RRP1B: variants seen among roughly 807,000 people sequenced by gnomAD.
RRP1B encodes ribosomal RNA processing protein 1 homolog B.
A neutral mutation model predicts 80.2 loss-of-function variants in RRP1B; 56 were observed. That is an observed-to-expected ratio of 0.70 (90% CI 0.56 to 0.87). The LOEUF (loss-of-function observed/expected upper bound fraction) is 0.87, where lower values mean the gene tolerates loss of function less well. Ranked by LOEUF, RRP1B falls within the 40% of genes least tolerant of loss-of-function variation. The pLI is 0.00. For synonymous variants in RRP1B, 351 were observed against 357.6 expected (o/e 0.98, Z 0.21); for missense variants, 807 against 939.8 (o/e 0.86, Z 1.85).
intron 3 of RRP1B, 31 bp from the exon 4 acceptor site, chr21:43,673,839 C>G (rs771888735): frequency 6.7e-7 from 1 of 1,496,688 alleles, no homozygotes. Context: ...GATGTGGAAG[C>G]CAAGTATTTA....
chr21:43,662,574 G>T (rs1246796044), intron 1 of RRP1B, among the ~76,000 whole-genome samples: 1 of 152,236 alleles, frequency 6.6e-6, no homozygotes, highest in African/African-American at 2.4e-5. Flanking sequence ...AACATGAGCT[G>T]TTCTGCAGCA....
At position 43,678,487 on chromosome 21, in the gene RRP1B, A is replaced by T. The variant is rs535476355; in HGVS notation, c.796+1573A>T. ...AACATCTATTATTCTTTGATTTTTT[A>T]AATTATGGCCATTCTTGCTGGAGTG... On this transcript the variant is annotated intron_variant, in intron 8 of 15. Coordinates refer to ENST00000340648, the MANE Select transcript of RRP1B (RefSeq NM_015056.3). Among the ~76,000 whole-genome samples the T allele has an allele frequency of 2.8e-4, 43 of 152,182 alleles. 2 individuals are homozygous for T. Among genetic ancestry groups the T allele is most frequent in the African/African-American group, 9.2e-4 (38 of 41,524 alleles).
In RRP1B at chr21:43,694,961, C is replaced by G. The variant is rs1157974088; in HGVS notation, c.*1578C>G. On this transcript the variant is annotated 3_prime_UTR_variant, in exon 16 of 16. Coordinates refer to ENST00000340648, the MANE Select transcript of RRP1B (RefSeq NM_015056.3). ...TGAAGGCCCTGGTGAGGAGAAAGCACTCTGTTCTTCGCCTACTCTGTAATC... is the reference window on the plus strand; with the variant it reads ...TGAAGGCCCTGGTGAGGAGAAAGCAGTCTGTTCTTCGCCTACTCTGTAATC... 1 of 152,200 alleles carries G rather than the reference C, an allele frequency of 6.6e-6. No homozygotes were observed. Among genetic ancestry groups the G allele is most frequent in the African/African-American group, 2.4e-5 (1 of 41,434 alleles). 9.4% of individuals were successfully genotyped at this position (152,200 alleles called of 1,614,324 possible). A position where few individuals can be genotyped will look rare whatever the true frequency, so the allele number is the denominator to read the frequency against.
intron 8 of RRP1B, 145 bp downstream of exon 8, chr21:43,677,059 G>A (rs961500299): frequency 6.2e-6 from 5 of 802,254 alleles, no homozygotes; most frequent in Admixed American, 2.8e-5. Context: ...AAAGGCAGCA[G>A]AGGTGGGTTC....
chr21:43,677,384 A>C (rs926418432), intron 8 of RRP1B, among the ~76,000 whole-genome samples: 3 of 152,190 alleles, frequency 2.0e-5, no homozygotes, highest in African/African-American at 7.2e-5. Context: ...GTGTACTGAC[A>C]TAATTCTTAC....
chr21:43,685,866 C>A, intron 11 of RRP1B, 77 bp downstream of exon 11: 1 of 1,515,568 alleles, frequency 6.6e-7, no homozygotes, highest in Non-Finnish European at 8.9e-7. Context: ...ATGCCAAACG[C>A]TGAGAAACAA....
intron 1 of RRP1B, among the ~76,000 whole-genome samples, chr21:43,660,434 A>C (rs553425187): frequency 6.6e-6 from 1 of 152,242 alleles, no homozygotes; most frequent in South Asian, 2.1e-4. Context: ...ATGGTGGCGC[A>C]TGCCTGTAAT....
In RRP1B at chr21:43,686,558, C is replaced by A. The variant is rs188462353; in HGVS notation, c.1010-246C>A. 26 of 402,690 alleles carry A rather than the reference C, an allele frequency of 6.5e-5. No individual in the cohort carries two copies. In the East Asian group the frequency reaches 1.1e-3, roughly 18 times the overall value. 24.9% of individuals were successfully genotyped at this position (402,690 alleles called of 1,614,324 possible). ...GAATGCAGAGACTGCATTAGCCAAGCGTCCGGGGTCCAGCCATGGAGGGTG... is the reference window on the plus strand; with the variant it reads ...GAATGCAGAGACTGCATTAGCCAAGAGTCCGGGGTCCAGCCATGGAGGGTG... On this transcript the variant is annotated intron_variant, in intron 11 of 15. Transcript: ENST00000340648.
intron 2 of RRP1B, among the ~76,000 whole-genome samples, chr21:43,671,835 G>A (rs774773995): frequency 2.6e-5 from 4 of 152,026 alleles, no homozygotes; most frequent in African/African-American, 7.3e-5. Flanking sequence ...ACAGGCACAC[G>A]CCACCACGCC....
chr21:43,693,428 C>A lies in RRP1B; in HGVS notation c.*45C>A. ...TAAAAGACTGCTTTTGTACAGAATG[C>A]GCTATAAATTATACCTTTAAGAATG... On this transcript the variant is annotated 3_prime_UTR_variant, in exon 16 of 16. Transcript: ENST00000340648. The surrounding 1 kb of genome is among the most constrained non-coding windows in gnomAD (Gnocchi z 4.1). The A allele has an allele frequency of 1.4e-6, 2 of 1,452,808 alleles. No individual in the cohort carries two copies. The highest frequency in any genetic ancestry group is 1.4e-5 in the African/African-American group (1 of 69,226). The allele number at this position is 1,452,808 out of a possible 1,614,324, so 90.0% of individuals were successfully genotyped here.
At position 43,687,949 on chromosome 21, in the gene RRP1B, G is replaced by T. The variant is rs1041125072; in HGVS notation, c.1575G>T (p.Arg525=). 6 of 1,613,258 alleles carry T rather than the reference G, an allele frequency of 3.7e-6. No individual in the cohort carries two copies. Among genetic ancestry groups the T allele is most frequent in the Non-Finnish European group, 5.1e-6 (6 of 1,180,048 alleles). Reference sequence around the variant, plus strand: ...GAGCCCAACTCCTAAAAAGGAAGCGGAAACTTGGAGTTGTGCCCGTCAATG... The same window carrying T: ...GAGCCCAACTCCTAAAAAGGAAGCGTAAACTTGGAGTTGTGCCCGTCAATG... ...TGGAQLLKRK[R]KLGVVPVNGS... The change falls in exon 13 of 16, where the codon CGG becomes CGT. Residue 525 remains arginine (R), a synonymous_variant. Coordinates refer to ENST00000340648, the MANE Select transcript of RRP1B (RefSeq NM_015056.3).
intron 13 of RRP1B, among the ~76,000 whole-genome samples, chr21:43,689,579 A>G (rs955600721): frequency 5.3e-5 from 8 of 152,206 alleles, no homozygotes; most frequent in African/African-American, 1.9e-4. Flanking sequence ...AGAGGGCCAG[A>G]GACATTGCCT....
chr21:43,666,616 G>C (rs553409739), intron 1 of RRP1B, among the ~76,000 whole-genome samples: 1 of 151,976 alleles, frequency 6.6e-6, no homozygotes, highest in South Asian at 2.1e-4. Context: ...TACGTGGGAG[G>C]CTGAGGCAGG....
At chr21:43,679,672 T>C (rs140493087) in intron 8 of RRP1B, among the ~76,000 whole-genome samples, 128 of 152,366 alleles carry the variant, frequency 8.4e-4, no homozygotes, top group African/African-American at 3.0e-3. Context: ...CTGTGAAGAA[T>C]GATGATGGTA....
chr21:43,668,989 G>A (rs1289060191), intron 1 of RRP1B, among the ~76,000 whole-genome samples: 1 of 152,194 alleles, frequency 6.6e-6, no homozygotes, highest in Non-Finnish European at 1.5e-5. Context: ...AACGAGACTG[G>A]TCACTCAATC....
chr21:43,670,880 C>T (rs2082996807), intron 2 of RRP1B, among the ~76,000 whole-genome samples: 1 of 152,192 alleles, frequency 6.6e-6, no homozygotes, highest in Non-Finnish European at 1.5e-5. Flanking sequence ...TTTTAATGTG[C>T]AGCCTTGCCA....
intron 8 of RRP1B, among the ~76,000 whole-genome samples, chr21:43,681,261 C>T (rs117038375): frequency 6.7e-5 from 10 of 149,634 alleles, no homozygotes; most frequent in Admixed American, 6.6e-5. Flanking sequence ...AATAAATAAA[C>T]AGATAGATAG....
chr21:43,673,526 C>T (rs894410286), intron 3 of RRP1B, among the ~76,000 whole-genome samples: 2 of 150,500 alleles, frequency 1.3e-5, no homozygotes, highest in Non-Finnish European at 1.5e-5. Context: ...CCCAGCTACT[C>T]GGGAGGCTGA....
At position 43,695,671 on chromosome 21, in the gene RRP1B, T is replaced by A. The variant is rs895098885; in HGVS notation, c.*2288T>A. On this transcript the variant is annotated 3_prime_UTR_variant, in exon 16 of 16. Coordinates refer to ENST00000340648, the MANE Select transcript of RRP1B (RefSeq NM_015056.3). Reference sequence around the variant, plus strand: ...ATACTGGTTTTCTATTTACGCATGATATTTTCCTAAGTAAAATTGCCAAGT... The same window carrying A: ...ATACTGGTTTTCTATTTACGCATGAAATTTTCCTAAGTAAAATTGCCAAGT... 1.3e-5 allele frequency: 2 copies of A among 152,266 alleles called. No homozygotes were observed. Among genetic ancestry groups the A allele is most frequent in the African/African-American group, 4.8e-5 (2 of 41,470 alleles). 9.4% of individuals were successfully genotyped at this position (152,266 alleles called of 1,614,324 possible).
Sources: gnomAD v4.1 joint callset for allele counts (sites outside exome capture counted in the v4.1 genomes callset) on GRCh38, gnomAD v4.1.1 for gene constraint, Gnocchi (gnomAD v3.1) non-coding constraint, MANE v1.5 for transcripts, NCBI Gene and HGNC (gene_info 2026-07-23, HGNC 2026-07-21) for gene names.